The following RGS7 variants were observed in gnomAD, a reference collection of about 807,000 sequenced individuals.
RGS7 encodes regulator of G-protein signaling 7.
Under a neutral mutation model 81.1 loss-of-function variants are expected in RGS7, and 27 were observed. That is an observed-to-expected ratio of 0.33 (90% confidence interval 0.25 to 0.46). RGS7 has a LOEUF of 0.46. Ranked by LOEUF, RGS7 falls within the 20% of genes least tolerant of loss-of-function variation. The probability of loss-of-function intolerance (pLI) is 1.00; values close to 1 mark genes in which losing one functional copy is unlikely to be tolerated. For synonymous variants in RGS7, 208 were observed against 207.7 expected (o/e 1.00, Z -0.01); for missense variants, 396 against 607.4 (o/e 0.65, Z 3.66).
At chr1:241,225,731 T>C (rs1320876206) in intron 2 of RGS7, among the ~76,000 whole-genome samples, 1 of 152,230 alleles carries the variant, frequency 6.6e-6, no homozygotes, top group Non-Finnish European at 1.5e-5. Context: ...GGTGAAAGTA[T>C]GAATACTTTC....
At chr1:241,034,416 G>A (rs1187446180) in intron 3 of RGS7, among the ~76,000 whole-genome samples, 1 of 152,172 alleles carries the variant, frequency 6.6e-6, no homozygotes, top group Admixed American at 6.5e-5. Flanking sequence ...GGGGAAGGCA[G>A]AAAAATATCC....
chr1:240,996,851 T>TA (rs1195715361), intron 3 of RGS7, among the ~76,000 whole-genome samples: 2 of 152,192 alleles, frequency 1.3e-5, no homozygotes, highest in East Asian at 3.8e-4. Flanking sequence ...TGATAGGGCT[T>TA]AAGTATGCCA....
At chr1:241,182,174 C>T (rs936255706) in intron 2 of RGS7, among the ~76,000 whole-genome samples, 2 of 152,278 alleles carry the variant, frequency 1.3e-5, no homozygotes, top group African/African-American at 2.4e-5. Flanking sequence ...TGAACTGGAT[C>T]CCTGCCATCA....
chr1:241,127,745 T>C (rs568237432), intron 2 of RGS7, among the ~76,000 whole-genome samples: 1 of 152,162 alleles, frequency 6.6e-6, no homozygotes, highest in Non-Finnish European at 1.5e-5. Context: ...TTGAAATTAA[T>C]AGAAGTAAAA....
chr1:241,187,570 A>G (rs1182075530), intron 2 of RGS7, among the ~76,000 whole-genome samples: 2 of 152,160 alleles, frequency 1.3e-5, no homozygotes, highest in Non-Finnish European at 2.9e-5. Flanking sequence ...TCTCAGCTCT[A>G]TATGCAGTAC....
At chr1:240,917,583 T>A (rs147665891) in intron 6 of RGS7, among the ~76,000 whole-genome samples, 3 of 152,232 alleles carry the variant, frequency 2.0e-5, no homozygotes, top group African/African-American at 7.2e-5. Flanking sequence ...TATTGCTAAC[T>A]CTAGAAAAAC....
At chr1:240,842,888 C>T (rs1265152715) in intron 9 of RGS7, among the ~76,000 whole-genome samples, 3 of 151,724 alleles carry the variant, frequency 2.0e-5, no homozygotes, top group African/African-American at 7.3e-5. Flanking sequence ...TGTGGCCAAG[C>T]GTGGTGGCTC....
At chr1:241,016,242 G>A (rs2059213315) in intron 3 of RGS7, among the ~76,000 whole-genome samples, 1 of 152,072 alleles carries the variant, frequency 6.6e-6, no homozygotes, top group African/African-American at 2.4e-5. Flanking sequence ...ACTCATGTCT[G>A]GGTGCGGTGG....
chr1:241,036,113 C>T (rs73123784), intron 3 of RGS7, among the ~76,000 whole-genome samples: 10,983 of 152,102 alleles, frequency 0.072, 632 homozygotes, highest in African/African-American at 0.16. Flanking sequence ...ATAATTCCTA[C>T]GGATACAATA....
intron 2 of RGS7, among the ~76,000 whole-genome samples, chr1:241,152,955 A>T (rs2103141119): frequency 6.6e-6 from 1 of 152,310 alleles, no homozygotes; most frequent in East Asian, 1.9e-4. Flanking sequence ...CTACCTCCTT[A>T]CTGATATTGA....
chr1:240,954,186 G>A (rs1185110515), intron 4 of RGS7, among the ~76,000 whole-genome samples: 3 of 152,000 alleles, frequency 2.0e-5, no homozygotes, highest in Admixed American at 6.5e-5. Context: ...TTAGGGAAGA[G>A]ATGATTCCAT....
intron 4 of RGS7, among the ~76,000 whole-genome samples, chr1:240,951,311 G>A (rs534477297): frequency 2.8e-4 from 42 of 151,992 alleles, no homozygotes; most frequent in Non-Finnish European, 5.1e-4. Flanking sequence ...AACCAAATTC[G>A]AATATGACAC....
chr1:240,944,009 T>G (rs1259309552), intron 4 of RGS7, among the ~76,000 whole-genome samples: 1 of 151,996 alleles, frequency 6.6e-6, no homozygotes, highest in Non-Finnish European at 1.5e-5. Context: ...CAGATAATCA[T>G]AAGTCAACGA....
intron 6 of RGS7, chr1:240,920,226 C>T: frequency 1.7e-6 from 2 of 1,184,604 alleles, no homozygotes; most frequent in South Asian, 2.4e-5. Context: ...TTCATGCAGC[C>T]AAAGAGGTCG....
intron 9 of RGS7, among the ~76,000 whole-genome samples, chr1:240,843,950 G>A (rs1658590948): frequency 6.6e-6 from 1 of 152,148 alleles, no homozygotes; most frequent in African/African-American, 2.4e-5. Context: ...CAGAGTCCAT[G>A]CTGGTCCCGT....
chr1:241,088,858 A>C (rs1197269951), intron 3 of RGS7, among the ~76,000 whole-genome samples: 2 of 151,158 alleles, frequency 1.3e-5, no homozygotes, highest in Non-Finnish European at 2.9e-5. Flanking sequence ...AAAAATACAA[A>C]AAATTAGCCG....
chr1:240,943,417 A>C (rs1158974304), intron 4 of RGS7, among the ~76,000 whole-genome samples: 1 of 152,204 alleles, frequency 6.6e-6, no homozygotes, highest in Non-Finnish European at 1.5e-5. Flanking sequence ...TGCACAATGC[A>C]CTTAAAACAC....
intron 2 of RGS7, among the ~76,000 whole-genome samples, chr1:241,205,005 C>T (rs967902459): frequency 2.6e-5 from 4 of 151,736 alleles, no homozygotes; most frequent in African/African-American, 9.7e-5. Context: ...ATAGATTCAT[C>T]CCTTTTTATC....
intron 2 of RGS7, among the ~76,000 whole-genome samples, chr1:241,220,476 A>G (rs1405379024): frequency 1.3e-5 from 2 of 152,148 alleles, no homozygotes; most frequent in African/African-American, 4.8e-5. Context: ...TTTTGAAACT[A>G]AAGTCTATCA....
Sources: gnomAD v4.1 joint callset for allele counts (sites outside exome capture counted in the v4.1 genomes callset) on GRCh38, gnomAD v4.1.1 for gene constraint, MANE v1.5 for transcripts, NCBI Gene and HGNC (gene_info 2026-07-23, HGNC 2026-07-21) for gene names.